ZNF732: variants seen among roughly 807,000 people sequenced by gnomAD.
ZNF732 encodes zinc finger protein 732.
ZNF732 carries 12 observed loss-of-function variants against 11.5 expected under a neutral mutation model. The ratio of observed to expected loss-of-function variants is 1.05; its 90% CI spans 0.67 to 1.70. The LOEUF is 1.70. Among genes scored for constraint, ZNF732 ranks in the 40% most tolerant of loss-of-function variants. The probability of loss-of-function intolerance (pLI) is 0.00; values close to 1 mark genes in which losing one functional copy is unlikely to be tolerated. For synonymous variants in ZNF732, 231 were observed against 236.5 expected, an observed-to-expected ratio of 0.98 and a Z score of 0.21; for missense variants, 702 against 676.9, an observed-to-expected ratio of 1.04 and a Z score of -0.41.
In ZNF732 at chr4:272,869, A is replaced by G. The variant is rs141228153; in HGVS notation, c.227-239T>C. 1.8e-3 allele frequency among the ~76,000 whole-genome samples: 277 copies of G among 152,246 alleles called. 1 individual carries two copies. The highest frequency in any genetic ancestry group is 0.014 in the South Asian group (66 of 4,830). ...AGGTAAGCACAATGCCAAGAGCCAC[A>G]TAGAACAGGATACAAAGTTTGTTAC... On this transcript the variant is annotated intron_variant, in intron 3 of 3. Coordinates refer to ENST00000419098, the MANE Select transcript of ZNF732 (RefSeq NM_001137608.3).
At chr4:284,814 T>C (rs1297841805) in intron 3 of ZNF732, among the ~76,000 whole-genome samples, 3 of 132,418 alleles carry the variant, frequency 2.3e-5, no homozygotes, top group African/African-American at 5.8e-5. Context: ...GAGGTTGTGG[T>C]GAGCCAAGAT....
intron 3 of ZNF732, among the ~76,000 whole-genome samples, chr4:293,839 ATTT>A (rs782195170): frequency 1.2e-4 from 18 of 152,150 alleles, no homozygotes; most frequent in African/African-American, 4.3e-4. Flanking sequence ...TAGTTATACT[ATTT>A]TTATTTATCA....
At chr4:279,758 C>T in intron 3 of ZNF732, among the ~76,000 whole-genome samples, 1 of 151,984 alleles carries the variant, frequency 6.6e-6, no homozygotes, top group Non-Finnish European at 1.5e-5. Context: ...CAAAAATCAC[C>T]TTCAAATAAA....
chr4:297,970 C>G (rs10003142), intron 1 of ZNF732, among the ~76,000 whole-genome samples: 42,232 of 152,008 alleles, frequency 0.28, 6,294 homozygotes, highest in South Asian at 0.38. Context: ...TTCTAAGCCT[C>G]CCCAAGAGAA....
rs1719363408 is a variant in ZNF732 at position 271,572 on chromosome 4, A to G, written c.1285T>C (p.Trp429Arg). ...KCEECGKAFG[W>R]STDLNKHKII... ...TTATGTTTATTCAGGTCTGTGGACC[A>G]TCCAAAGGCTTTGCCACACTCTTCA... The change falls in exon 4 of 4, where the codon TGG (tryptophan) becomes CGG (arginine). Residue 429 changes from tryptophan to arginine, a missense_variant. Transcript: ENST00000419098. The G allele has an allele frequency of 6.2e-7, 1 of 1,611,194 alleles. No homozygotes were observed. Among genetic ancestry groups the G allele is most frequent in the Non-Finnish European group, 8.5e-7 (1 of 1,178,922 alleles).
chr4:275,155 CAAA>C (rs1294213743), intron 3 of ZNF732, among the ~76,000 whole-genome samples: 3 of 150,968 alleles, frequency 2.0e-5, no homozygotes, highest in African/African-American at 7.3e-5. Flanking sequence ...TGTCAGGGCA[CAAA>C]AAAAGTCTTA....
intron 3 of ZNF732, among the ~76,000 whole-genome samples, chr4:288,777 G>T (rs1719782483): frequency 6.6e-6 from 1 of 152,160 alleles, no homozygotes; most frequent in Admixed American, 6.5e-5. Context: ...AAGTAGGCTG[G>T]GCGCAGTGGC....
rs114872625 is a variant in ZNF732 at position 271,954 on chromosome 4, G to A, written c.903C>T (p.Thr301=). The A allele has an allele frequency of 7.5e-4, 1,209 of 1,605,422 alleles. 8 individuals carry two copies. The African/African-American group carries it at 0.013, about 17-fold the overall frequency. The change falls in exon 4 of 4, where the codon ACC becomes ACT. Residue 301 remains threonine, a synonymous_variant. Transcript: ENST00000419098. ...SNVAKHKKIH[T]GEKLYKCQEC... is the part of the protein sequence containing the mutation. ...CCTGACATTTGTAGAGTTTCTCTCC[G>A]GTATGAATTTTCTTATGTTTGGCAA...
intron 3 of ZNF732, among the ~76,000 whole-genome samples, chr4:278,874 T>G (rs1719555776): frequency 6.6e-6 from 1 of 152,212 alleles, no homozygotes; most frequent in Non-Finnish European, 1.5e-5. Flanking sequence ...CCCAGGCTAT[T>G]GCTTCCTAGT....
intron 1 of ZNF732, among the ~76,000 whole-genome samples, chr4:296,455 A>G (rs1158853669): frequency 1.3e-5 from 2 of 152,108 alleles, no homozygotes; most frequent in Non-Finnish European, 2.9e-5. Context: ...AGTATCTGGA[A>G]TGCCTCACGC....
intron 1 of ZNF732, among the ~76,000 whole-genome samples, chr4:299,288 A>T (rs1408281835): frequency 6.6e-6 from 1 of 151,024 alleles, no homozygotes. Flanking sequence ...TTGAAGATGC[A>T]ACACTGGAAT....
At chr4:277,224 T>C (rs868959343) in intron 3 of ZNF732, among the ~76,000 whole-genome samples, 1 of 151,912 alleles carries the variant, frequency 6.6e-6, no homozygotes, top group Non-Finnish European at 1.5e-5. Flanking sequence ...CATTACCACA[T>C]AGTACAGAGA....
chr4:293,289 T>C (rs1369753735), intron 3 of ZNF732, among the ~76,000 whole-genome samples: 1 of 146,626 alleles, frequency 6.8e-6, no homozygotes, highest in African/African-American at 2.5e-5. Context: ...TGTGTATATA[T>C]ATATATATAT....
intron 3 of ZNF732, among the ~76,000 whole-genome samples, chr4:290,453 G>C (rs182240539): frequency 6.6e-5 from 10 of 152,248 alleles, no homozygotes; most frequent in Admixed American, 2.0e-4. Context: ...TGCAGATCCT[G>C]GCCTCAGCTG....
chr4:294,718 T>C (rs909061084), intron 3 of ZNF732, among the ~76,000 whole-genome samples: 2 of 152,218 alleles, frequency 1.3e-5, no homozygotes, highest in Non-Finnish European at 2.9e-5. Flanking sequence ...AGTATTAATG[T>C]ATTTCACGTG....
intron 3 of ZNF732, among the ~76,000 whole-genome samples, chr4:289,652 T>C (rs1719800589): frequency 6.6e-6 from 1 of 152,264 alleles, no homozygotes; most frequent in Admixed American, 6.5e-5. Context: ...GGGATTTTTT[T>C]TCTTTGTTAA....
At chr4:281,207 G>T (rs1473728849) in intron 3 of ZNF732, among the ~76,000 whole-genome samples, 2 of 152,058 alleles carry the variant, frequency 1.3e-5, no homozygotes, top group African/African-American at 4.8e-5. Flanking sequence ...GTCATCTAGA[G>T]TCTGGAAGAA....
At position 305,445 on chromosome 4, in the gene ZNF732, C is replaced by G. The variant is rs559121631; in HGVS notation, c.-135G>C. 1 of 1,285,358 alleles carries G rather than the reference C, an allele frequency of 7.8e-7. No homozygotes were observed. The highest frequency in any genetic ancestry group is 2.3e-5 in the Admixed American group (1 of 43,088). The allele number at this position is 1,285,358 out of a possible 1,614,324, so 79.6% of individuals were successfully genotyped here. ...GGGGTGAAAGCACGGCCGTGGAGAC[C>G]CTAACCGAGCTCACGCTGGCGCAAA... is the stretch of plus-strand genomic sequence containing the variant. On this transcript the variant is annotated 5_prime_UTR_variant, in exon 1 of 4. Transcript: ENST00000419098.
intron 1 of ZNF732, among the ~76,000 whole-genome samples, chr4:300,470 AAAAAG>A (rs1553843443): frequency 2.9e-3 from 439 of 149,474 alleles, no homozygotes; most frequent in African/African-American, 9.9e-3. Flanking sequence ...AAAAAAAAAA[AAAAAG>A]AAAAGAAAAG....
Sources: gnomAD v4.1 joint callset for allele counts (sites outside exome capture counted in the v4.1 genomes callset) on GRCh38, gnomAD v4.1.1 for gene constraint, MANE v1.5 for transcripts, NCBI Gene and HGNC (gene_info 2026-07-23, HGNC 2026-07-21) for gene names.